The following PRDM5 variants were observed in gnomAD, a reference collection of about 807,000 sequenced individuals.
PRDM5 encodes the protein PR domain zinc finger protein 5.
Under a neutral mutation model 81.2 loss-of-function variants are expected in PRDM5, and 56 were observed. The observed-to-expected ratio is 0.69, with a 90% CI of 0.56 to 0.86. The LOEUF (loss-of-function observed/expected upper bound fraction) is 0.86, where lower values mean the gene tolerates loss of function less well. Ranked by LOEUF, PRDM5 falls within the 40% of genes least tolerant of loss-of-function variation. PRDM5 has a pLI of 0.00. For synonymous variants in PRDM5, 267 were observed against 256.4 expected, an observed-to-expected ratio of 1.04 and a Z score of -0.39; for missense variants, 697 against 770.1, an observed-to-expected ratio of 0.91 and a Z score of 1.12.
chr4:120,916,990 T>C (rs1340232939), intron 1 of PRDM5, among the ~76,000 whole-genome samples: 1 of 152,248 alleles, frequency 6.6e-6, no homozygotes, highest in African/African-American at 2.4e-5. Context: ...GCCAGAGTCA[T>C]GCTTGATAAA....
intron 2 of PRDM5, among the ~76,000 whole-genome samples, chr4:120,855,263 T>C (rs1294714585): frequency 1.3e-5 from 2 of 152,332 alleles, no homozygotes; most frequent in Admixed American, 6.5e-5. Flanking sequence ...TCCTCAATAA[T>C]GAATGCCAGA....
At chr4:120,774,902 A>ATATATATGTATATG (rs1553963976) in intron 13 of PRDM5, among the ~76,000 whole-genome samples, 4,269 of 146,020 alleles carry the variant, frequency 0.029, 95 homozygotes, top group African/African-American at 0.034. Flanking sequence ...ATATATATAT[A>ATATATATGTATATG]TATATGTATA....
At chr4:120,866,865 T>C (rs987604549) in intron 2 of PRDM5, among the ~76,000 whole-genome samples, 2 of 152,206 alleles carry the variant, frequency 1.3e-5, no homozygotes, top group African/African-American at 4.8e-5. Flanking sequence ...TCATGTTATA[T>C]AGGGATAATC....
intron 1 of PRDM5, among the ~76,000 whole-genome samples, chr4:120,921,078 T>C (rs887643967): frequency 6.6e-6 from 1 of 152,222 alleles, no homozygotes; most frequent in Non-Finnish European, 1.5e-5. Flanking sequence ...TTGTTTACAG[T>C]ACTCTTCATA....
intron 8 of PRDM5, among the ~76,000 whole-genome samples, chr4:120,804,171 C>T (rs1752555749): frequency 6.6e-6 from 1 of 152,176 alleles, no homozygotes; most frequent in Non-Finnish European, 1.5e-5. Context: ...TATATATGCA[C>T]CCAATACAGG....
At chr4:120,890,279 C>G (rs967790053) in intron 2 of PRDM5, among the ~76,000 whole-genome samples, 2 of 152,094 alleles carry the variant, frequency 1.3e-5, no homozygotes, top group Non-Finnish European at 2.9e-5. Context: ...GGAATTGTTA[C>G]ACACTTTTAA....
At chr4:120,773,793 C>T (rs1260115702) in intron 13 of PRDM5, among the ~76,000 whole-genome samples, 2 of 152,148 alleles carry the variant, frequency 1.3e-5, no homozygotes, top group Non-Finnish European at 2.9e-5. Flanking sequence ...GCCAGATTTT[C>T]TTCAAATTCT....
intron 2 of PRDM5, among the ~76,000 whole-genome samples, chr4:120,900,191 T>C (rs1466399767): frequency 6.6e-6 from 1 of 152,098 alleles, no homozygotes. Context: ...TAGTCACTAG[T>C]ATATCAACCT....
intron 3 of PRDM5, among the ~76,000 whole-genome samples, chr4:120,849,013 A>G (rs906472686): frequency 2.0e-5 from 3 of 152,214 alleles, no homozygotes; most frequent in Non-Finnish European, 4.4e-5. Flanking sequence ...TGCCACTTGT[A>G]TAAATCTGGT....
chr4:120,698,101 A>G (rs1734792631), intron 15 of PRDM5, among the ~76,000 whole-genome samples: 1 of 152,192 alleles, frequency 6.6e-6, no homozygotes, highest in African/African-American at 2.4e-5. Context: ...TTTTATAACC[A>G]GAAAGCAAAT....
chr4:120,761,430 C>A (rs558836136), intron 13 of PRDM5, among the ~76,000 whole-genome samples: 2 of 152,256 alleles, frequency 1.3e-5, no homozygotes, highest in Non-Finnish European at 2.9e-5. Flanking sequence ...TAATATATGC[C>A]TTTCAGATTA....
chr4:120,720,150 T>C (rs1172780056), intron 14 of PRDM5, among the ~76,000 whole-genome samples: 2 of 152,176 alleles, frequency 1.3e-5, no homozygotes, highest in Admixed American at 6.5e-5. Flanking sequence ...TGTACTCTTA[T>C]ATGATAGGGT....
chr4:120,877,582 A>G (rs1024687723), intron 2 of PRDM5, among the ~76,000 whole-genome samples: 1 of 152,306 alleles, frequency 6.6e-6, no homozygotes, highest in African/African-American at 2.4e-5. Context: ...AGGCGGGTGG[A>G]TCATCTGAGG....
chr4:120,867,042 C>A (rs2148521232), intron 2 of PRDM5, among the ~76,000 whole-genome samples: 1 of 152,232 alleles, frequency 6.6e-6, no homozygotes, highest in East Asian at 1.9e-4. Flanking sequence ...GACCTAGGGA[C>A]TGAAAACAGT....
intron 8 of PRDM5, among the ~76,000 whole-genome samples, chr4:120,809,815 G>A (rs2149319879): frequency 6.6e-6 from 1 of 152,284 alleles, no homozygotes. Flanking sequence ...GAAGGACTAT[G>A]GCTGAAATGG....
downstream of PRDM5, among the ~76,000 whole-genome samples, chr4:120,688,207 T>C (rs559192132): frequency 6.6e-5 from 10 of 152,138 alleles, no homozygotes; most frequent in African/African-American, 2.4e-4. Flanking sequence ...ATAGTGGTTT[T>C]GATTTGCATT....
At chr4:120,779,148 G>A (rs1561199453) in intron 12 of PRDM5, among the ~76,000 whole-genome samples, 1 of 152,006 alleles carries the variant, frequency 6.6e-6, no homozygotes, top group East Asian at 1.9e-4. Context: ...GGATATTAGG[G>A]TTATATTAAT....
At chr4:120,831,617 T>C (rs975067797) in intron 3 of PRDM5, among the ~76,000 whole-genome samples, 2 of 151,990 alleles carry the variant, frequency 1.3e-5, no homozygotes, top group African/African-American at 4.8e-5. Context: ...AAAACAATTA[T>C]AAAAGGGGAA....
At chr4:120,852,947 G>A (rs976837034) in intron 3 of PRDM5, among the ~76,000 whole-genome samples, 8 of 151,520 alleles carry the variant, frequency 5.3e-5, no homozygotes, top group African/African-American at 1.7e-4. Flanking sequence ...TCACAGACGT[G>A]AGCCACTGCA....
Sources: allele counts gnomAD v4.1 joint callset (sites outside exome capture counted in the v4.1 genomes callset), GRCh38; gene constraint gnomAD v4.1.1; transcripts MANE v1.5; gene names NCBI Gene and HGNC (gene_info 2026-07-23, HGNC 2026-07-21).